IPCEF1: variants seen among roughly 807,000 people sequenced by gnomAD.
The protein encoded by IPCEF1 is interactor protein for cytohesin exchange factors 1.
In IPCEF1, 31 loss-of-function variants were observed where a neutral mutation model predicts 50.9. That is an observed-to-expected ratio of 0.61 (90% CI 0.46 to 0.82). IPCEF1 has a LOEUF of 0.82. Ranked by LOEUF, IPCEF1 falls within the 40% of genes least tolerant of loss-of-function variation. The pLI, the probability that IPCEF1 is intolerant of heterozygous loss-of-function variation, is 0.00. For missense variants in IPCEF1, 458 were observed against 514.0 expected, an observed-to-expected ratio of 0.89 and a Z score of 1.05; for synonymous variants, 181 against 192.0, an observed-to-expected ratio of 0.94 and a Z score of 0.47.
rs146039299 is a variant in IPCEF1, at chr6:154,273,382, G to C, written c.-17-7418C>G. Among the ~76,000 whole-genome samples the C allele has an allele frequency of 4.5e-3, 680 of 152,296 alleles. 5 individuals are homozygous for C. The highest frequency in any genetic ancestry group is 0.016 in the African/African-American group (647 of 41,554). On this transcript the variant is annotated intron_variant, in intron 2 of 11. Transcript: ENST00000367220. ...GGCAGCAAACGTCCACACTCTACTG[G>C]AGACAAGCACTGTTTATAAGCGAGC...
intron 10 of IPCEF1, among the ~76,000 whole-genome samples, chr6:154,189,375 C>G (rs947297072): frequency 6.6e-6 from 1 of 152,064 alleles, no homozygotes; most frequent in Non-Finnish European, 1.5e-5. Flanking sequence ...AATTCCATTT[C>G]CAGGTGTATA....
chr6:154,191,400 G>A (rs1025076146), intron 10 of IPCEF1, among the ~76,000 whole-genome samples: 26 of 152,024 alleles, frequency 1.7e-4, no homozygotes, highest in Admixed American at 1.4e-3. Context: ...CATGCCAGGC[G>A]CGGTGGCTCA....
At chr6:154,205,951 T>A (rs9397182) in intron 9 of IPCEF1, among the ~76,000 whole-genome samples, 110,048 of 151,870 alleles carry the variant, frequency 0.72, 40,567 homozygotes, top group East Asian at 0.9. Context: ...TGCTGCAGCC[T>A]TCCCCAGCTG....
intron 7 of IPCEF1, among the ~76,000 whole-genome samples, chr6:154,214,691 A>C (rs1464246339): frequency 1.3e-5 from 2 of 152,242 alleles, no homozygotes; most frequent in African/African-American, 4.8e-5. Flanking sequence ...TTTAGAAAAA[A>C]TGTACGAAAA....
rs1005659992 is a variant in IPCEF1 at position 154,168,989 on chromosome 6, C to A, written c.911-876G>T. Among the ~76,000 whole-genome samples, 1 of 151,734 alleles carries A rather than the reference C, an allele frequency of 6.6e-6. No individual in the cohort carries two copies. Among genetic ancestry groups the A allele is most frequent in the African/African-American group, 2.4e-5 (1 of 41,380 alleles). ...CCTAAATTCATGTGTTTCTCACGTG[C>A]AATATATTCACCTCATCCCAACAAC... On this transcript the variant is annotated intron_variant, in intron 10 of 11. Coordinates refer to ENST00000367220, the MANE Select transcript of IPCEF1 (RefSeq NM_001130700.2). This position sits in a 1 kb window ranked among gnomAD's most constrained non-coding sequence, Gnocchi z 4.1.
At chr6:154,277,796 C>T in intron 2 of IPCEF1, among the ~76,000 whole-genome samples, 1 of 152,176 alleles carries the variant, frequency 6.6e-6, no homozygotes, top group East Asian at 1.9e-4. Flanking sequence ...ATAGACTTTG[C>T]CTGTGAGATT....
chr6:154,296,761 G>A (rs189579052), intron 1 of IPCEF1, among the ~76,000 whole-genome samples: 17 of 151,416 alleles, frequency 1.1e-4, no homozygotes, highest in African/African-American at 2.2e-4. Context: ...CCCAGGAGGC[G>A]GAGTTTGCAG....
intron 1 of IPCEF1, among the ~76,000 whole-genome samples, chr6:154,309,850 G>A (rs868131347): frequency 6.6e-5 from 10 of 150,440 alleles, no homozygotes; most frequent in East Asian, 1.9e-4. Flanking sequence ...TGCAACCTCC[G>A]CCTCCCCGGT....
intron 5 of IPCEF1, among the ~76,000 whole-genome samples, chr6:154,234,596 C>T (rs894914914): frequency 1.7e-4 from 26 of 152,344 alleles, no homozygotes; most frequent in Non-Finnish European, 3.5e-4. Flanking sequence ...GGCTCTCTCA[C>T]TATCACATTA....
intron 10 of IPCEF1, among the ~76,000 whole-genome samples, chr6:154,171,453 C>T (rs941646383): frequency 8.6e-5 from 13 of 151,636 alleles, no homozygotes; most frequent in Non-Finnish European, 1.9e-4. Context: ...TAATAATTGC[C>T]TGGGGTCTGG....
chr6:154,306,416 TTTG>T (rs141195510), intron 1 of IPCEF1, among the ~76,000 whole-genome samples: 3,655 of 152,342 alleles, frequency 0.024, 155 homozygotes, highest in African/African-American at 0.084. Flanking sequence ...ATTGATTTAT[TTTG>T]TAGAGACAGG....
intron 7 of IPCEF1, 136 bp from the exon 8 acceptor site, chr6:154,214,412 G>C (rs1250349434): frequency 1.4e-6 from 1 of 719,454 alleles, no homozygotes; most frequent in Non-Finnish European, 2.5e-6. Flanking sequence ...GCATAAGTTT[G>C]TGCCATCGAA....
intron 1 of IPCEF1, among the ~76,000 whole-genome samples, chr6:154,303,004 A>C (rs1160819613): frequency 2.6e-5 from 4 of 152,034 alleles, no homozygotes; most frequent in African/African-American, 9.7e-5. Flanking sequence ...TTAGTGAGGC[A>C]ATGTTGACCA....
At chr6:154,269,371 G>A (rs1781846625) in intron 2 of IPCEF1, among the ~76,000 whole-genome samples, 1 of 152,194 alleles carries the variant, frequency 6.6e-6, no homozygotes, top group Non-Finnish European at 1.5e-5. Flanking sequence ...CATGGGTGGT[G>A]GAGGTGGGAT....
intron 9 of IPCEF1, among the ~76,000 whole-genome samples, chr6:154,211,766 T>C (rs1380911843): frequency 6.6e-6 from 1 of 152,220 alleles, no homozygotes; most frequent in Non-Finnish European, 1.5e-5. Context: ...ATTGTGTTTT[T>C]TGCATTATTT....
chr6:154,315,165 G>A (rs573529938), intron 1 of IPCEF1, among the ~76,000 whole-genome samples: 2 of 152,296 alleles, frequency 1.3e-5, no homozygotes, highest in East Asian at 3.9e-4. Flanking sequence ...TTATAGGCGT[G>A]AGCCACCATG....
chr6:154,302,599 C>A (rs1430768696), intron 1 of IPCEF1, among the ~76,000 whole-genome samples: 2 of 152,118 alleles, frequency 1.3e-5, no homozygotes, highest in East Asian at 1.9e-4. Flanking sequence ...CTCAGCCCCC[C>A]GAGTAGCTGG....
intron 10 of IPCEF1, among the ~76,000 whole-genome samples, chr6:154,174,242 T>C (rs938315859): frequency 9.9e-5 from 15 of 152,118 alleles, no homozygotes; most frequent in South Asian, 6.2e-4. Flanking sequence ...AGACCATCAA[T>C]GCTAGGAAGA....
intron 2 of IPCEF1, among the ~76,000 whole-genome samples, chr6:154,270,175 T>C (rs77258653): frequency 6.6e-6 from 1 of 152,178 alleles, no homozygotes; most frequent in African/African-American, 2.4e-5. Context: ...AACGACAGGG[T>C]AACAAAACAC....
Sources: gnomAD v4.1 joint callset for allele counts (sites outside exome capture counted in the v4.1 genomes callset) on GRCh38, gnomAD v4.1.1 for gene constraint, Gnocchi (gnomAD v3.1) non-coding constraint, MANE v1.5 for transcripts, NCBI Gene and HGNC (gene_info 2026-07-23, HGNC 2026-07-21) for gene names.